The following SSR1 variants were observed in gnomAD, a reference collection of about 807,000 sequenced individuals.
SSR1 encodes signal sequence receptor subunit 1.
SSR1 carries 13 observed loss-of-function variants against 36.1 expected under a neutral mutation model. The observed-to-expected ratio is 0.36, with a 90% CI of 0.23 to 0.57. The LOEUF (loss-of-function observed/expected upper bound fraction) is 0.57, where lower values mean the gene tolerates loss of function less well. Among genes scored for constraint, SSR1 ranks in the 20% least tolerant of loss-of-function variants. The pLI is 0.81. For missense variants in SSR1, 291 were observed against 338.5 expected (o/e 0.86, Z 1.10); for synonymous variants, 113 against 118.9 (o/e 0.95, Z 0.32).
chr6:7,304,296 C>A (rs182242803), intron 2 of SSR1, among the ~76,000 whole-genome samples: 1 of 152,286 alleles, frequency 6.6e-6, no homozygotes, highest in East Asian at 1.9e-4. Flanking sequence ...TATGGCCTTG[C>A]AGACCATAAA....
At chr6:7,290,029 TAC>T in intron 7 of SSR1, 98 bp from the exon 8 acceptor site, 25 of 943,378 alleles carry the variant, frequency 2.7e-5, no homozygotes, top group East Asian at 3.0e-5. Context: ...ACCACTAAGT[TAC>T]ACACACACAT....
At chr6:7,309,305 T>A (rs1032124878) in intron 2 of SSR1, among the ~76,000 whole-genome samples, 1 of 151,968 alleles carries the variant, frequency 6.6e-6, no homozygotes, top group Non-Finnish European at 1.5e-5. Context: ...AAAAAAAAAT[T>A]ACAAAAATTA....
At chr6:7,302,229 T>C (rs971954827) in intron 3 of SSR1, among the ~76,000 whole-genome samples, 26 of 152,212 alleles carry the variant, frequency 1.7e-4, no homozygotes, top group African/African-American at 6.3e-4. Context: ...TCAATAATTA[T>C]ACAGTAGTCT....
intron 3 of SSR1, among the ~76,000 whole-genome samples, chr6:7,303,138 T>TAAAAAAAAAAAAAAA (rs35763826): frequency 9.3e-5 from 4 of 42,914 alleles, no homozygotes; most frequent in African/African-American, 4.4e-4. Flanking sequence ...GACTACATCT[T>TAAAAAAAAAAAAAAA]AAAAAAAAAA....
intron 7 of SSR1, 158 bp downstream of exon 7, chr6:7,295,234 T>A: frequency 8.2e-6 from 9 of 1,103,616 alleles, no homozygotes; most frequent in Non-Finnish European, 1.0e-5. Flanking sequence ...GAATAAACCT[T>A]TAAGGTCTTA....
In SSR1 at chr6:7,286,870, C is replaced by G. The variant is rs1186883847; in HGVS notation, c.*2994G>C. 6.9e-6 allele frequency: 1 copy of G among 145,346 alleles called. No individual in the cohort carries two copies. Among genetic ancestry groups the G allele is most frequent in the Non-Finnish European group, 1.5e-5 (1 of 67,344 alleles). 9.0% of individuals were successfully genotyped at this position (145,346 alleles called of 1,614,324 possible). A position where few individuals can be genotyped will look rare whatever the true frequency, so the allele number is the denominator to read the frequency against. ...GAAGTTGCAGTGAGCCGAGATCGCA[C>G]CACTGCACTCCAGCCTGGGTGACAC... is the stretch of plus-strand genomic sequence containing the variant. On this transcript the variant is annotated 3_prime_UTR_variant, in exon 8 of 8. Transcript: ENST00000244763.
chr6:7,299,099 A>T (rs1757868744), intron 4 of SSR1, among the ~76,000 whole-genome samples: 1 of 152,036 alleles, frequency 6.6e-6, no homozygotes, highest in Non-Finnish European at 1.5e-5. Context: ...TGAACCCAGG[A>T]CTTGTGAGTC....
Position 7,297,972 on chromosome 6 carries a change from A to G in SSR1, c.650T>C (p.Leu217Pro). 6.2e-7 allele frequency: 1 copy of G among 1,613,574 alleles called. No individual in the cohort carries two copies. Among genetic ancestry groups the G allele is most frequent in the South Asian group, 1.1e-5 (1 of 91,070 alleles). Reference sequence around the variant, plus strand: ...AAGGCCAACAATAACCAGAAGCCCAAGACCAGCAAGGAACATATACATAAA... The same window carrying G: ...AAGGCCAACAATAACCAGAAGCCCAGGACCAGCAAGGAACATATACATAAA... ...TIFMYMFLAG[L>P]GLLVIVGLHQ... is the part of the protein sequence containing the mutation. Residue 217 changes from leucine (L) to proline (P), a missense_variant, in exon 6 of 8, where the codon CTT becomes CCT. Physicochemically the swap from Leu to Pro is moderately conservative, Grantham distance 98. Transcript: ENST00000244763.
intron 2 of SSR1, among the ~76,000 whole-genome samples, chr6:7,304,269 A>C (rs1166282016): frequency 6.6e-6 from 1 of 152,212 alleles, no homozygotes; most frequent in Admixed American, 6.5e-5. Context: ...TTTTTCTGTA[A>C]ATGGCCAAAT....
At chr6:7,306,873 C>T (rs562219398) in intron 2 of SSR1, among the ~76,000 whole-genome samples, 17 of 141,758 alleles carry the variant, frequency 1.2e-4, no homozygotes, top group East Asian at 8.8e-4. Flanking sequence ...CGGAGATCCA[C>T]GCCACTGCAC....
intron 2 of SSR1, among the ~76,000 whole-genome samples, chr6:7,308,173 C>CA (rs1184463706): frequency 6.6e-6 from 1 of 152,090 alleles, no homozygotes; most frequent in Non-Finnish European, 1.5e-5. Context: ...AGGCTTGACT[C>CA]ACAGATAATC....
At chr6:7,301,955 G>T (rs1757945380) in intron 3 of SSR1, among the ~76,000 whole-genome samples, 1 of 152,176 alleles carries the variant, frequency 6.6e-6, no homozygotes, top group Non-Finnish European at 1.5e-5. Context: ...ATAGAAGAAT[G>T]AAGAAAAGAT....
chr6:7,293,602 T>C (rs1757730873), intron 7 of SSR1, among the ~76,000 whole-genome samples: 1 of 152,116 alleles, frequency 6.6e-6, no homozygotes, highest in Non-Finnish European at 1.5e-5. Flanking sequence ...TTTGTAGAGA[T>C]GGGGTCTCAC....
At position 7,282,814 on chromosome 6, in the gene SSR1, A is replaced by T. The variant is rs569744159; in HGVS notation, c.*7050T>A. On this transcript the variant is annotated 3_prime_UTR_variant, in exon 8 of 8. Coordinates refer to ENST00000244763, the MANE Select transcript of SSR1 (RefSeq NM_003144.5). The stretch of plus-strand genomic sequence containing the variant: ...GCTTGTAGGACCAAATGAGAAAAAT[A>T]CATAATCATTATGTTTTAGCCAGAA... 1 of 152,388 alleles carries T rather than the reference A, an allele frequency of 6.6e-6. No homozygotes were observed. Among genetic ancestry groups the T allele is most frequent in the African/African-American group, 2.4e-5 (1 of 41,592 alleles). 9.4% of individuals were successfully genotyped at this position (152,388 alleles called of 1,614,324 possible).
rs2113270586 is a variant in SSR1 at position 7,289,800 on chromosome 6, C to T, written c.*64G>A. The T allele has an allele frequency of 6.8e-7, 1 of 1,463,320 alleles. No individual in the cohort carries two copies. The highest frequency in any genetic ancestry group is 9.2e-7 in the Non-Finnish European group (1 of 1,082,206). 90.6% of individuals were successfully genotyped at this position (1,463,320 alleles called of 1,614,324 possible). A position where few individuals can be genotyped will look rare whatever the true frequency, so the allele number is the denominator to read the frequency against. On this transcript the variant is annotated 3_prime_UTR_variant, in exon 8 of 8. Coordinates refer to ENST00000244763, the MANE Select transcript of SSR1 (RefSeq NM_003144.5). ...GTGACATGGCTTCTCTGCACTAATT[C>T]CCATCAGGCCGAAAAATATTAGGGC... is the stretch of plus-strand genomic sequence containing the variant.
rs1254441810 is a variant in SSR1, at chr6:7,282,031, G to C, written c.*7833C>G. Reference sequence around the variant, plus strand: ...CTCAACAGAAAAGGAGTGAGGAGCAGGGTCAAAGAAATGAAGGTGAATTTG... The same window carrying C: ...CTCAACAGAAAAGGAGTGAGGAGCACGGTCAAAGAAATGAAGGTGAATTTG... On this transcript the variant is annotated 3_prime_UTR_variant, in exon 8 of 8. Transcript: ENST00000244763. 1.3e-5 allele frequency: 2 copies of C among 152,552 alleles called. No individual in the cohort carries two copies. Among genetic ancestry groups the C allele is most frequent in the Non-Finnish European group, 2.9e-5 (2 of 68,278 alleles). The allele number at this position is 152,552 out of a possible 1,614,324, so 9.4% of individuals were successfully genotyped here. A position where few individuals can be genotyped will look rare whatever the true frequency, so the allele number is the denominator to read the frequency against.
rs1757523752 is a variant in SSR1, at chr6:7,285,248, A to G, written c.*4616T>C. On this transcript the variant is annotated 3_prime_UTR_variant, in exon 8 of 8. Transcript: ENST00000244763. This position sits in a 1 kb window ranked among gnomAD's most constrained non-coding sequence, Gnocchi z 4.1. ...ACAGCAGGGGAACAAAAAAAGGCAC[A>G]GTCAAAACATCTTTGACTGCAATTT... 6.6e-6 allele frequency: 1 copy of G among 152,250 alleles called. No homozygotes were observed. The highest frequency in any genetic ancestry group is 6.5e-5 in the Admixed American group (1 of 15,280). The allele number at this position is 152,250 out of a possible 1,614,324, so 9.4% of individuals were successfully genotyped here.
intron 6 of SSR1, among the ~76,000 whole-genome samples, chr6:7,296,622 T>C (rs1424506680): frequency 1.3e-5 from 2 of 151,564 alleles, no homozygotes; most frequent in South Asian, 2.1e-4. Flanking sequence ...AGAGAAATAG[T>C]ATAGGTTTTG....
chr6:7,286,333 A>G lies in SSR1; in HGVS notation c.*3531T>C, dbSNP rs573390393. 1 of 152,366 alleles carries G rather than the reference A, an allele frequency of 6.6e-6. No individual in the cohort carries two copies. Among genetic ancestry groups the G allele is most frequent in the South Asian group, 2.1e-4 (1 of 4,834 alleles). 9.4% of individuals were successfully genotyped at this position (152,366 alleles called of 1,614,324 possible). A position where few individuals can be genotyped will look rare whatever the true frequency, so the allele number is the denominator to read the frequency against. ...TATAAATGAAAAGGGATAAAAATTC[A>G]TACAAAATCCATTAGTAACATTCAT... On this transcript the variant is annotated 3_prime_UTR_variant, in exon 8 of 8. Transcript: ENST00000244763.
Sources: allele counts gnomAD v4.1 joint callset (sites outside exome capture counted in the v4.1 genomes callset), GRCh38; gene constraint gnomAD v4.1.1; non-coding constraint Gnocchi (gnomAD v3.1); transcripts MANE v1.5; gene names NCBI Gene and HGNC (gene_info 2026-07-23, HGNC 2026-07-21).